The following NF2 variants were observed in gnomAD, a reference collection of about 807,000 sequenced individuals.
NF2 encodes the protein NF2, moesin-ezrin-radixin like (MERLIN) tumor suppressor.
Under a neutral mutation model 83.7 loss-of-function variants are expected in NF2, and 8 were observed. That is an observed-to-expected ratio of 0.10 (90% CI 0.06 to 0.17). The LOEUF (loss-of-function observed/expected upper bound fraction) is 0.17, where lower values mean the gene tolerates loss of function less well. Ranked by LOEUF, NF2 falls within the 10% of genes least tolerant of loss-of-function variation. NF2 has a pLI of 1.00. For missense variants in NF2, 533 were observed against 744.4 expected, an observed-to-expected ratio of 0.72 and a Z score of 3.31; for synonymous variants, 266 against 269.6, an observed-to-expected ratio of 0.99 and a Z score of 0.13.
At chr22:29,610,805 C>A (rs1258200397) in intron 1 of NF2, among the ~76,000 whole-genome samples, 2 of 152,066 alleles carry the variant, frequency 1.3e-5, no homozygotes, top group Non-Finnish European at 2.9e-5. Flanking sequence ...AAAATACTTA[C>A]AAACGAATTT....
intron 15 of NF2, chr22:29,683,107 C>T (rs1816198369): frequency 1.9e-6 from 3 of 1,614,142 alleles, no homozygotes; most frequent in Middle Eastern, 1.6e-4. Flanking sequence ...ATGGTGCTGC[C>T]CTCTGTGATA....
intron 15 of NF2, among the ~76,000 whole-genome samples, chr22:29,692,408 G>C (rs2067431457): frequency 6.6e-6 from 1 of 152,204 alleles, no homozygotes; most frequent in Non-Finnish European, 1.5e-5. Flanking sequence ...ACCCACCCCA[G>C]AGCACTCTGC....
rs573829333 is a variant in NF2, at chr22:29,654,432, C to A, written c.448-225C>A. ...TACAAGTGTCACATTCTTGTTAGCA[C>A]ATCACCCATCCATCTCTTACAGGAT... On this transcript the variant is annotated intron_variant, in intron 4 of 15. Coordinates refer to ENST00000338641, the MANE Select transcript of NF2 (RefSeq NM_000268.4). Among the ~76,000 whole-genome samples, 3 of 152,332 alleles carry A rather than the reference C, an allele frequency of 2.0e-5. No homozygotes were observed. The East Asian group carries it at 5.8e-4, about 29-fold the overall frequency.
intron 1 of NF2, among the ~76,000 whole-genome samples, chr22:29,632,120 A>C (rs763242312): frequency 1.3e-5 from 2 of 152,208 alleles, no homozygotes; most frequent in Non-Finnish European, 2.9e-5. Context: ...TAGTTGACAA[A>C]GAATTGATTT....
rs113240063 is a variant in NF2, at chr22:29,647,974, T to C, written c.447+5689T>C. Among the ~76,000 whole-genome samples the C allele has an allele frequency of 4.1e-3, 619 of 151,882 alleles. 6 individuals carry two copies. Among genetic ancestry groups the C allele is most frequent in the African/African-American group, 0.014 (589 of 41,434 alleles). ...GAAAATAAATAAATAAATACATACA[T>C]ACAAAAAATAGCTGGGTGCAGTGGT... On this transcript the variant is annotated intron_variant, in intron 4 of 15. Transcript: ENST00000338641.
rs981072917 is a variant in NF2 at position 29,695,934 on chromosome 22, T to G, written c.*1132T>G. On this transcript the variant is annotated 3_prime_UTR_variant, in exon 16 of 16. Transcript: ENST00000338641. This position sits in a 1 kb window ranked among gnomAD's most constrained non-coding sequence, Gnocchi z 5.4. Reference sequence around the variant, plus strand: ...CTTTGTGCCCCTCCCAGCACAGGCCTGATGCAGGTGTCCACTCACAGGTGG... The same window carrying G: ...CTTTGTGCCCCTCCCAGCACAGGCCGGATGCAGGTGTCCACTCACAGGTGG... 2 of 233,292 alleles carry G rather than the reference T, an allele frequency of 8.6e-6. No homozygotes were observed. Among genetic ancestry groups the G allele is most frequent in the Non-Finnish European group, 1.7e-5 (2 of 118,158 alleles). 14.5% of individuals were successfully genotyped at this position (233,292 alleles called of 1,614,324 possible). A position where few individuals can be genotyped will look rare whatever the true frequency, so the allele number is the denominator to read the frequency against.
chr22:29,637,775 T>C (rs1425097533), intron 2 of NF2, among the ~76,000 whole-genome samples: 1 of 152,102 alleles, frequency 6.6e-6, no homozygotes, highest in Non-Finnish European at 1.5e-5. Flanking sequence ...AATAATCACA[T>C]GGGAATCCCT....
chr22:29,665,236 G>GT (rs35328234), intron 9 of NF2, among the ~76,000 whole-genome samples, 172 bp downstream of exon 9: 56 of 148,768 alleles, frequency 3.8e-4, no homozygotes, highest in Non-Finnish European at 4.3e-4. Context: ...TCATGAAGAA[G>GT]TTTTTTTTTT....
intron 9 of NF2, among the ~76,000 whole-genome samples, chr22:29,666,087 C>T (rs543358268): frequency 4.0e-4 from 61 of 151,838 alleles, no homozygotes; most frequent in African/African-American, 1.5e-3. Flanking sequence ...TGTTCATTCT[C>T]ACCTCTGTAG....
chr22:29,637,690 A>T (rs76683637), intron 2 of NF2, among the ~76,000 whole-genome samples: 1 of 146,712 alleles, frequency 6.8e-6, no homozygotes, highest in Admixed American at 6.8e-5. Context: ...AAAGCTTCCT[A>T]TTTTTTTTTT....
intron 1 of NF2, among the ~76,000 whole-genome samples, chr22:29,635,620 G>T (rs576832053): frequency 2.6e-5 from 4 of 152,226 alleles, no homozygotes; most frequent in Admixed American, 1.3e-4. Flanking sequence ...GAACCACCAC[G>T]CCCGGCTGCC....
At chr22:29,653,356 A>C (rs1399021957) in intron 4 of NF2, among the ~76,000 whole-genome samples, 3 of 150,520 alleles carry the variant, frequency 2.0e-5, no homozygotes, top group Non-Finnish European at 4.4e-5. Context: ...AGGCAGGAGA[A>C]TTGCTTGAAC....
intron 1 of NF2, among the ~76,000 whole-genome samples, chr22:29,625,688 A>T (rs191869496): frequency 6.6e-6 from 1 of 152,318 alleles, no homozygotes; most frequent in East Asian, 1.9e-4. Flanking sequence ...TCAGGGAAAA[A>T]TTTTTAATGG....
At chr22:29,610,462 G>A (rs1180366466) in intron 1 of NF2, among the ~76,000 whole-genome samples, 1 of 151,946 alleles carries the variant, frequency 6.6e-6, no homozygotes, top group Non-Finnish European at 1.5e-5. Flanking sequence ...GTCTAATATG[G>A]TGAAACCCCA....
chr22:29,637,575 G>T (rs998549569), intron 2 of NF2, among the ~76,000 whole-genome samples: 2 of 152,154 alleles, frequency 1.3e-5, no homozygotes, highest in African/African-American at 4.8e-5. Flanking sequence ...ATATGCTTTT[G>T]TCAGTAACTC....
At chr22:29,681,310 C>G in intron 14 of NF2, 129 bp from the exon 15 acceptor site, 5 of 1,082,382 alleles carry the variant, frequency 4.6e-6, no homozygotes. Flanking sequence ...TGTGAGTGGC[C>G]AAGTAGAGAC....
intron 4 of NF2, among the ~76,000 whole-genome samples, chr22:29,653,601 T>C (rs1035991443): frequency 3.3e-5 from 5 of 152,188 alleles, no homozygotes; most frequent in African/African-American, 9.7e-5. Flanking sequence ...TGAGACATGA[T>C]TTAAAGTTAA....
chr22:29,692,898 C>A (rs1477962533), intron 15 of NF2, among the ~76,000 whole-genome samples: 1 of 152,238 alleles, frequency 6.6e-6, no homozygotes, highest in African/African-American at 2.4e-5. Flanking sequence ...TGCCATCACG[C>A]CCGCTTCACA....
At chr22:29,643,742 TC>T (rs942831510) in intron 4 of NF2, among the ~76,000 whole-genome samples, 2 of 152,016 alleles carry the variant, frequency 1.3e-5, no homozygotes, top group African/African-American at 4.8e-5. Flanking sequence ...TCCCCACCTT[TC>T]CCCCCTTTCT....
Sources: gnomAD v4.1 joint callset for allele counts (sites outside exome capture counted in the v4.1 genomes callset) on GRCh38, gnomAD v4.1.1 for gene constraint, Gnocchi (gnomAD v3.1) non-coding constraint, MANE v1.5 for transcripts, NCBI Gene and HGNC (gene_info 2026-07-23, HGNC 2026-07-21) for gene names.